The following NEK4 variants were observed in gnomAD, a reference collection of about 807,000 sequenced individuals.
NEK4 encodes the protein serine/threonine-protein kinase Nek4.
NEK4 carries 86 observed loss-of-function variants against 98.4 expected under a neutral mutation model. The observed-to-expected ratio is 0.87, with a 90% confidence interval of 0.73 to 1.05. The LOEUF is 1.05. Ranked by LOEUF, NEK4 falls within the 50% of genes least tolerant of loss-of-function variation. NEK4 has a pLI of 0.00. For synonymous variants in NEK4, 328 were observed against 342.2 expected, an observed-to-expected ratio of 0.96 and a Z score of 0.46; for missense variants, 898 against 950.3, an observed-to-expected ratio of 0.94 and a Z score of 0.72.
intron 15 of NEK4, among the ~76,000 whole-genome samples, chr3:52,730,481 A>C (rs755359741): frequency 1.3e-5 from 2 of 152,226 alleles, no homozygotes; most frequent in African/African-American, 2.4e-5. Context: ...CAGGGACACT[A>C]CAGGAAAAGA....
At chr3:52,737,083 C>T (rs1173112574) in intron 15 of NEK4, among the ~76,000 whole-genome samples, 3 of 152,140 alleles carry the variant, frequency 2.0e-5, no homozygotes. Context: ...ATTACAGGTG[C>T]GTGGCACCAT....
At position 52,770,641 on chromosome 3, in the gene NEK4, CA is replaced by C; in HGVS notation, c.93+12del. The C allele has an allele frequency of 6.5e-7, 1 of 1,543,496 alleles. No homozygotes were observed. The highest frequency in any genetic ancestry group is 8.8e-7 in the Non-Finnish European group (1 of 1,142,628). Reference sequence around the variant, plus strand: ...CCCGCCCCCGCCCCTTGCCGGGCCCCACCCCTGCAGACCTGCTTGCCGTCCC... The same window carrying C: ...CCCGCCCCCGCCCCTTGCCGGGCCCCCCCCTGCAGACCTGCTTGCCGTCCC... On this transcript the variant is annotated intron_variant, in intron 1 of 15. Coordinates refer to ENST00000233027, the MANE Select transcript of NEK4 (RefSeq NM_003157.6).
intron 15 of NEK4, among the ~76,000 whole-genome samples, chr3:52,721,738 A>AG (rs1364755018): frequency 1.3e-5 from 2 of 150,116 alleles, no homozygotes; most frequent in Non-Finnish European, 3.0e-5. Flanking sequence ...CCTGTCTCAA[A>AG]AAAAAAAAAA....
intron 4 of NEK4, among the ~76,000 whole-genome samples, chr3:52,764,751 C>T (rs1277913216): frequency 2.7e-5 from 4 of 147,766 alleles, no homozygotes; most frequent in African/African-American, 7.6e-5. Context: ...TGTGGGTGTG[C>T]GCGTGCGCAT....
chr3:52,748,023 G>A (rs1409163298), intron 8 of NEK4, among the ~76,000 whole-genome samples: 2 of 151,876 alleles, frequency 1.3e-5, no homozygotes, highest in Admixed American at 6.6e-5. Flanking sequence ...GCAATGGCGC[G>A]ATCTCGGCTC....
intron 15 of NEK4, among the ~76,000 whole-genome samples, chr3:52,727,541 C>A (rs1474920277): frequency 6.6e-6 from 1 of 152,134 alleles, no homozygotes; most frequent in Non-Finnish European, 1.5e-5. Context: ...GGTAGTGTGA[C>A]CTCGGCTCAC....
intron 12 of NEK4, 121 bp downstream of exon 12, chr3:52,743,231 A>G: frequency 1.4e-6 from 1 of 713,996 alleles, no homozygotes; most frequent in South Asian, 1.7e-5. Context: ...ATCAAGAGTG[A>G]AAAGATATAA....
chr3:52,728,573 C>T (rs866784949), intron 15 of NEK4, among the ~76,000 whole-genome samples: 25 of 152,300 alleles, frequency 1.6e-4, no homozygotes, highest in African/African-American at 5.5e-4. Flanking sequence ...GATTGTAAAA[C>T]ATGTGTGTTT....
intron 15 of NEK4, among the ~76,000 whole-genome samples, chr3:52,726,393 T>C (rs2097364593): frequency 6.6e-6 from 1 of 151,720 alleles, no homozygotes; most frequent in East Asian, 1.9e-4. Context: ...GCTCAGGAGA[T>C]TGACACCATC....
chr3:52,733,130 C>G (rs997701701), intron 15 of NEK4: 1 of 180,216 alleles, frequency 5.5e-6, no homozygotes, highest in Non-Finnish European at 1.2e-5. Context: ...GTTAAGATGG[C>G]AAAGTTTTTA....
chr3:52,738,457 A>C (rs1434620015), intron 14 of NEK4, among the ~76,000 whole-genome samples: 1 of 123,170 alleles, frequency 8.1e-6, no homozygotes, highest in African/African-American at 3.1e-5. Flanking sequence ...ATTTCATTTC[A>C]TCTGATTTTT....
chr3:52,726,180 T>C (rs1561289644), intron 15 of NEK4, among the ~76,000 whole-genome samples: 1 of 152,204 alleles, frequency 6.6e-6, no homozygotes, highest in African/African-American at 2.4e-5. Flanking sequence ...CACCTAAATG[T>C]ACAAATGAGG....
chr3:52,714,798 A>G (rs2097353605), intron 15 of NEK4, among the ~76,000 whole-genome samples: 1 of 151,768 alleles, frequency 6.6e-6, no homozygotes, highest in Non-Finnish European at 1.5e-5. Flanking sequence ...TCTCCCTATT[A>G]CCCCCACCCC....
rs754093302 is a variant in NEK4, at chr3:52,760,855, T to C, written c.903A>G (p.Ser301=). ...GTTGGGGGTGGATTACTTCATGATTTGATTCTGCCTCTCCAGAAACCACTG... is the reference window on the plus strand; with the variant it reads ...GTTGGGGGTGGATTACTTCATGATTCGATTCTGCCTCTCCAGAAACCACTG... ...FATVVSGEAE[S]NHEVIHPQPL... The change falls in exon 6 of 16, where the codon TCA becomes TCG. Residue 301 remains serine, a synonymous_variant. Coordinates refer to ENST00000233027, the MANE Select transcript of NEK4 (RefSeq NM_003157.6). The C allele has an allele frequency of 2.5e-6, 4 of 1,609,034 alleles. No homozygotes were observed. The Admixed American group carries it at 6.7e-5, about 27-fold the overall frequency.
In NEK4 at chr3:52,711,045, T is replaced by C. The variant is rs2097349879; in HGVS notation, c.*732A>G. 3 of 152,644 alleles carry C rather than the reference T, an allele frequency of 2.0e-5. No individual in the cohort carries two copies. Among genetic ancestry groups the C allele is most frequent in the Non-Finnish European group, 4.4e-5 (3 of 68,042 alleles). 9.5% of individuals were successfully genotyped at this position (152,644 alleles called of 1,614,324 possible). A position where few individuals can be genotyped will look rare whatever the true frequency, so the allele number is the denominator to read the frequency against. ...AATGGACCTGGACTTTGCTTACAAA[T>C]TGCTTAAATGGAAATGAAATTTGTG... On this transcript the variant is annotated 3_prime_UTR_variant, in exon 16 of 16. Coordinates refer to ENST00000233027, the MANE Select transcript of NEK4 (RefSeq NM_003157.6).
intron 1 of NEK4, 41 bp from the exon 2 acceptor site, chr3:52,768,645 G>A (rs371803278): frequency 2.4e-5 from 39 of 1,595,654 alleles, no homozygotes; most frequent in African/African-American, 1.1e-4. Flanking sequence ...GCAAATAAAC[G>A]TAAGATTTGT....
In NEK4 at chr3:52,741,481, A is replaced by G. The variant is rs1250837206; in HGVS notation, c.2023T>C (p.Cys675Arg). 5 of 1,604,782 alleles carry G rather than the reference A, an allele frequency of 3.1e-6. No individual in the cohort carries two copies. In the East Asian group the frequency reaches 8.9e-5, roughly 29 times the overall value. The stretch of plus-strand genomic sequence containing the variant: ...GAACTTAACTCATCCTCAGACAGAC[A>G]ATGAATCTGTTTCCTTTCCTATTAA... Reference protein sequence around the residue: ...SVTQERKQIHCLSEDELSSST... With the variant: ...SVTQERKQIHRLSEDELSSST... Residue 675 changes from cysteine to arginine, a missense_variant, in exon 13 of 16, where the codon TGT becomes CGT. Cys to Arg is a radical substitution (Grantham distance 180). Transcript: ENST00000233027.
At chr3:52,763,720 G>A (rs1264010743) in intron 4 of NEK4, 96 bp from the exon 5 acceptor site, 3 of 852,776 alleles carry the variant, frequency 3.5e-6, no homozygotes, top group Non-Finnish European at 5.4e-6. Context: ...ATAGTCATAT[G>A]TCCACATAAG....
intron 13 of NEK4, among the ~76,000 whole-genome samples, chr3:52,740,564 G>T (rs1454933860): frequency 1.3e-5 from 2 of 152,114 alleles, no homozygotes; most frequent in Non-Finnish European, 2.9e-5. Context: ...CTGGGAGGCC[G>T]AGGTGGGCGG....
Sources: gnomAD v4.1 joint callset for allele counts (sites outside exome capture counted in the v4.1 genomes callset) on GRCh38, gnomAD v4.1.1 for gene constraint, MANE v1.5 for transcripts, NCBI Gene and HGNC (gene_info 2026-07-23, HGNC 2026-07-21) for gene names.